The following CRPPA variants were observed in gnomAD, a reference collection of about 807,000 sequenced individuals.
The protein encoded by CRPPA is D-ribitol-5-phosphate cytidylyltransferase.
Under a neutral mutation model 52.0 loss-of-function variants are expected in CRPPA, and 43 were observed. The observed-to-expected ratio is 0.83, with a 90% CI of 0.65 to 1.07. The LOEUF (loss-of-function observed/expected upper bound fraction) is 1.07. CRPPA is among the 50% of genes least tolerant of loss of function. The pLI is 0.00. For synonymous variants in CRPPA, 250 were observed against 203.5 expected (o/e 1.23, Z -1.94); for missense variants, 629 against 551.7 (o/e 1.14, Z -1.40).
chr7:16,399,833 G>T (rs995675760), intron 2 of CRPPA, among the ~76,000 whole-genome samples: 2 of 152,096 alleles, frequency 1.3e-5, no homozygotes, highest in African/African-American at 2.4e-5. Context: ...TGATCAGCAC[G>T]TGTGGCACAT....
At chr7:16,109,979 A>G (rs1782228097) in intron 9 of CRPPA, among the ~76,000 whole-genome samples, 1 of 152,058 alleles carries the variant, frequency 6.6e-6, no homozygotes, top group Non-Finnish European at 1.5e-5. Context: ...GAAATAAAAG[A>G]CATCCAAACA....
At chr7:16,271,719 C>T (rs1784093452) in intron 6 of CRPPA, among the ~76,000 whole-genome samples, 1 of 152,204 alleles carries the variant, frequency 6.6e-6, no homozygotes, top group Admixed American at 6.5e-5. Flanking sequence ...CACTCCCAAT[C>T]TAAGTCACTT....
At chr7:16,100,482 T>C (rs1782022569) in intron 9 of CRPPA, among the ~76,000 whole-genome samples, 1 of 152,226 alleles carries the variant, frequency 6.6e-6, no homozygotes, top group African/African-American at 2.4e-5. Context: ...AATAATTGGC[T>C]AATTAACTCT....
chr7:16,242,960 G>A (rs946346112), intron 8 of CRPPA, among the ~76,000 whole-genome samples: 2 of 152,162 alleles, frequency 1.3e-5, no homozygotes, highest in Non-Finnish European at 2.9e-5. Flanking sequence ...ACTTAATGCT[G>A]AAATCTGCTT....
chr7:16,328,983 A>T (rs1785484428), intron 3 of CRPPA, among the ~76,000 whole-genome samples: 1 of 152,212 alleles, frequency 6.6e-6, no homozygotes, highest in Non-Finnish European at 1.5e-5. Flanking sequence ...ACTGTACATA[A>T]CACCTGGACT....
At chr7:16,320,544 A>G (rs1425064849) in intron 3 of CRPPA, among the ~76,000 whole-genome samples, 1 of 152,172 alleles carries the variant, frequency 6.6e-6, no homozygotes, top group Non-Finnish European at 1.5e-5. Context: ...CATCATTCAC[A>G]GTATTATTTC....
intron 3 of CRPPA, among the ~76,000 whole-genome samples, chr7:16,338,052 G>T: frequency 6.6e-6 from 1 of 152,008 alleles, no homozygotes; most frequent in Middle Eastern, 3.2e-3. Flanking sequence ...AGAAAACAAA[G>T]TTACAGGCTA....
intron 3 of CRPPA, among the ~76,000 whole-genome samples, chr7:16,350,036 C>G (rs758878775): frequency 6.6e-6 from 1 of 151,738 alleles, no homozygotes; most frequent in African/African-American, 2.4e-5. Flanking sequence ...TGTGAGCCCC[C>G]ATAAAATGAT....
In CRPPA at chr7:16,111,403, T is replaced by C. The variant is rs1527201; in HGVS notation, c.1252-19604A>G. On this transcript the variant is annotated intron_variant, in intron 9 of 9. Coordinates refer to ENST00000407010, the MANE Select transcript of CRPPA (RefSeq NM_001101426.4). ...TAAAACTAGAAATACCACGTAATTC[T>C]GAAATCCCACTTCTGGATATCTACC... 8.5e-5 allele frequency among the ~76,000 whole-genome samples: 13 copies of C among 152,086 alleles called. No individual in the cohort carries two copies. The East Asian group carries it at 2.5e-3, about 29-fold the overall frequency.
Position 16,235,256 on chromosome 7 carries a change from T to C in CRPPA, c.1120-19059A>G, listed in dbSNP as rs17169360. Among the ~76,000 whole-genome samples, 1,187 of 152,156 alleles carry C rather than the reference T, an allele frequency of 7.8e-3. 20 individuals are homozygous for C. The highest frequency in any genetic ancestry group is 0.027 in the African/African-American group (1,118 of 41,550). ...CATTTAAACTGCATGCATTTGAACATTTCTATCAAAACTTTGAGATAGGAT... is the reference window on the plus strand; with the variant it reads ...CATTTAAACTGCATGCATTTGAACACTTCTATCAAAACTTTGAGATAGGAT... On this transcript the variant is annotated intron_variant, in intron 8 of 9. Coordinates refer to ENST00000407010, the MANE Select transcript of CRPPA (RefSeq NM_001101426.4).
intron 3 of CRPPA, among the ~76,000 whole-genome samples, chr7:16,365,072 C>T (rs1786557483): frequency 6.6e-6 from 1 of 152,198 alleles, no homozygotes; most frequent in African/African-American, 2.4e-5. Flanking sequence ...ACCAGAGTGA[C>T]TAACTGCTTG....
chr7:16,359,999 C>T (rs548618617), intron 3 of CRPPA, among the ~76,000 whole-genome samples: 3 of 152,150 alleles, frequency 2.0e-5, no homozygotes, highest in African/African-American at 7.2e-5. Flanking sequence ...CTTCTATGTC[C>T]TCCATTTTAT....
chr7:16,139,266 C>A (rs1484653770), intron 9 of CRPPA, among the ~76,000 whole-genome samples: 1 of 152,170 alleles, frequency 6.6e-6, no homozygotes, highest in Non-Finnish European at 1.5e-5. Flanking sequence ...AATCATTAAG[C>A]TTCTTAATTT....
intron 3 of CRPPA, among the ~76,000 whole-genome samples, chr7:16,318,157 G>C (rs1785186829): frequency 6.6e-6 from 1 of 151,966 alleles, no homozygotes; most frequent in African/African-American, 2.4e-5. Context: ...AATTGCTCTT[G>C]GTTAGAAAAC....
At position 16,303,058 on chromosome 7, in the gene CRPPA, G is replaced by A. The variant is rs1484315540; in HGVS notation, c.790-1592C>T. On this transcript the variant is annotated intron_variant, in intron 4 of 9. Transcript: ENST00000407010. ...TCCAGTCATACTGCTTTTGAAGTAC[G>A]TTAGCTATGTAGGAAAAAAATAAGG... 2.0e-5 allele frequency among the ~76,000 whole-genome samples: 3 copies of A among 152,104 alleles called. No individual in the cohort carries two copies. In the East Asian group the frequency reaches 5.8e-4, roughly 29 times the overall value.
intron 5 of CRPPA, among the ~76,000 whole-genome samples, chr7:16,288,200 AATTTAAATAAAAATTGG>A (rs1784488969): frequency 6.6e-6 from 1 of 152,164 alleles, no homozygotes; most frequent in Non-Finnish European, 1.5e-5. Context: ...TCCTTACATC[AATTTAAATAAAAATTGG>A]TGTTAAACAA....
intron 2 of CRPPA, among the ~76,000 whole-genome samples, chr7:16,381,140 T>C (rs1385321885): frequency 6.6e-6 from 1 of 152,166 alleles, no homozygotes; most frequent in Non-Finnish European, 1.5e-5. Flanking sequence ...TGCTATAAAT[T>C]TCCCTCTACA....
chr7:16,091,946 C>A (rs1781846665), intron 9 of CRPPA, 147 bp from the exon 10 acceptor site: 2 of 469,530 alleles, frequency 4.3e-6, no homozygotes, highest in Admixed American at 4.3e-5. Flanking sequence ...GGACACGGTT[C>A]CCCGAATAAA....
intron 3 of CRPPA, among the ~76,000 whole-genome samples, chr7:16,360,505 C>CAGT (rs1334634144): frequency 1.1e-4 from 17 of 151,966 alleles, no homozygotes; most frequent in Non-Finnish European, 1.9e-4. Flanking sequence ...GTAGTAGTAG[C>CAGT]AGTAGTAGTA....
Sources: allele counts gnomAD v4.1 joint callset (sites outside exome capture counted in the v4.1 genomes callset), GRCh38; gene constraint gnomAD v4.1.1; transcripts MANE v1.5; gene names NCBI Gene and HGNC (gene_info 2026-07-23, HGNC 2026-07-21).